The following PIK3C2G variants were observed in gnomAD, a reference collection of about 807,000 sequenced individuals.
PIK3C2G encodes phosphatidylinositol 3-kinase C2 domain-containing subunit gamma.
PIK3C2G carries 168 observed loss-of-function variants against 181.1 expected under a neutral mutation model. The ratio of observed to expected loss-of-function variants is 0.93; its 90% confidence interval spans 0.82 to 1.05. The LOEUF (loss-of-function observed/expected upper bound fraction) is 1.05. Ranked by LOEUF, PIK3C2G falls within the 50% of genes least tolerant of loss-of-function variation. The probability of loss-of-function intolerance (pLI) is 0.00; values close to 1 mark genes in which losing one functional copy is unlikely to be tolerated. For synonymous variants in PIK3C2G, 573 were observed against 592.2 expected (o/e 0.97, Z 0.47); for missense variants, 1,869 against 1,732.8 (o/e 1.08, Z -1.40).
chr12:18,436,700 T>C (rs1946468102), intron 18 of PIK3C2G, among the ~76,000 whole-genome samples: 2 of 152,020 alleles, frequency 1.3e-5, no homozygotes, highest in South Asian at 4.1e-4. Context: ...GAACAAGTCA[T>C]ATTACAAAAG....
chr12:18,599,990 T>G (rs893015757), intron 30 of PIK3C2G, among the ~76,000 whole-genome samples: 6 of 151,864 alleles, frequency 4.0e-5, no homozygotes, highest in African/African-American at 1.4e-4. Flanking sequence ...AACACACTAG[T>G]AGTAGGATAC....
chr12:18,705,615 C>T, the PIK3C2G span, among the ~76,000 whole-genome samples: 2 of 152,220 alleles, frequency 1.3e-5, no homozygotes, highest in South Asian at 2.1e-4. Flanking sequence ...ACTGTAATCC[C>T]AGCACTTTGG....
At chr12:18,500,672 C>T (rs919313914) in intron 22 of PIK3C2G, among the ~76,000 whole-genome samples, 1 of 152,122 alleles carries the variant, frequency 6.6e-6, no homozygotes, top group African/African-American at 2.4e-5. Context: ...CAATCAGCGC[C>T]GTGTCAAAAC....
At chr12:18,650,734 A>ATATATC (rs1950468793), downstream of PIK3C2G, among the ~76,000 whole-genome samples, 1 of 28,120 alleles carries the variant, frequency 3.6e-5, no homozygotes, top group Non-Finnish European at 5.8e-5. Context: ...ATATATATAT[A>ATATATC]TATATATATA....
chr12:18,570,232 T>C (rs1321446966), intron 29 of PIK3C2G, among the ~76,000 whole-genome samples: 1 of 151,650 alleles, frequency 6.6e-6, no homozygotes, highest in African/African-American at 2.4e-5. Context: ...TTTTTTGAGA[T>C]GGAGTTTTGC....
intron 18 of PIK3C2G, among the ~76,000 whole-genome samples, chr12:18,455,052 C>T (rs1947550716): frequency 6.6e-6 from 1 of 152,180 alleles, no homozygotes; most frequent in Non-Finnish European, 1.5e-5. Context: ...TCCAAGCTCA[C>T]TCAAGTGATT....
At chr12:18,327,862 G>C (rs1174554163) in intron 8 of PIK3C2G, among the ~76,000 whole-genome samples, 1 of 151,938 alleles carries the variant, frequency 6.6e-6, no homozygotes, top group East Asian at 1.9e-4. Flanking sequence ...TGAAGTTGTC[G>C]ATGATCTAGT....
At chr12:18,588,848 C>T (rs1946924206) in intron 29 of PIK3C2G, among the ~76,000 whole-genome samples, 1 of 152,016 alleles carries the variant, frequency 6.6e-6, no homozygotes, top group South Asian at 2.1e-4. Flanking sequence ...AACCTAAATG[C>T]CCTCAATGGC....
chr12:18,361,143 C>A (rs1244300418), intron 11 of PIK3C2G, among the ~76,000 whole-genome samples: 1 of 151,964 alleles, frequency 6.6e-6, no homozygotes, highest in African/African-American at 2.4e-5. Context: ...TTTCAAATAA[C>A]CTGTCTTCAA....
At chr12:18,372,195 ATG>A (rs371668925) in intron 13 of PIK3C2G, among the ~76,000 whole-genome samples, 41 of 148,070 alleles carry the variant, frequency 2.8e-4, no homozygotes, top group Admixed American at 2.7e-4. Context: ...AGCTGTGTGT[ATG>A]TGTGTGTGTG....
intron 29 of PIK3C2G, among the ~76,000 whole-genome samples, chr12:18,585,047 T>C (rs566670992): frequency 3.9e-5 from 6 of 152,012 alleles, no homozygotes; most frequent in South Asian, 2.1e-4. Flanking sequence ...AAAGGAGCAC[T>C]AAATATAGAA....
intron 31 of PIK3C2G, among the ~76,000 whole-genome samples, chr12:18,617,337 C>T (rs980516148): frequency 4.6e-5 from 7 of 152,070 alleles, no homozygotes; most frequent in African/African-American, 1.7e-4. Context: ...ACTATAGACT[C>T]TCTGACTTTT....
chr12:18,308,354 A>T lies in PIK3C2G; in HGVS notation c.1035-5608A>T, dbSNP rs140781711. 5.1e-3 allele frequency among the ~76,000 whole-genome samples: 774 copies of T among 151,964 alleles called. 3 individuals carry two copies. The highest frequency in any genetic ancestry group is 7.8e-3 in the Non-Finnish European group (526 of 67,790). ...GCATTCAAGGACAATGTAAAAATAG[A>T]CATTCTCAGAAATAAAAACATTTTA... On this transcript the variant is annotated intron_variant, in intron 5 of 32. Coordinates refer to ENST00000538779, the MANE Select transcript of PIK3C2G (RefSeq NM_001288772.2).
At chr12:18,275,793 T>C (rs1446949538) in intron 1 of PIK3C2G, among the ~76,000 whole-genome samples, 1 of 152,190 alleles carries the variant, frequency 6.6e-6, no homozygotes, top group East Asian at 1.9e-4. Context: ...CTTCCTCTTC[T>C]CAAATCTGTC....
At chr12:18,699,488 C>T in the PIK3C2G span, among the ~76,000 whole-genome samples, 1 of 152,242 alleles carries the variant, frequency 6.6e-6, no homozygotes, top group Admixed American at 6.5e-5. Flanking sequence ...CTCTGCCTCC[C>T]TCTGCAGCCC....
chr12:18,258,165 T>C (rs2136980762), upstream of PIK3C2G, among the ~76,000 whole-genome samples: 1 of 152,290 alleles, frequency 6.6e-6, no homozygotes, highest in African/African-American at 2.4e-5. Context: ...AGATGATTGT[T>C]CAATCTACTC....
intron 11 of PIK3C2G, among the ~76,000 whole-genome samples, chr12:18,355,941 C>A (rs965879039): frequency 1.3e-5 from 2 of 152,128 alleles, no homozygotes; most frequent in African/African-American, 4.8e-5. Context: ...GGAAAGATAT[C>A]AAAGGAAAAG....
chr12:18,292,229 T>TA (rs1162389524), intron 4 of PIK3C2G, among the ~76,000 whole-genome samples: 8,341 of 68,376 alleles, frequency 0.12, 863 homozygotes, highest in Non-Finnish European at 0.16. Context: ...AAAAAAAAAA[T>TA]ATATATATAT....
chr12:18,264,308 T>C (rs1006217587), intron 1 of PIK3C2G, among the ~76,000 whole-genome samples: 1 of 152,180 alleles, frequency 6.6e-6, no homozygotes, highest in Non-Finnish European at 1.5e-5. Context: ...TTATTGTTTA[T>C]ATAGTCAACG....
Sources: gnomAD v4.1 joint callset for allele counts (sites outside exome capture counted in the v4.1 genomes callset) on GRCh38, gnomAD v4.1.1 for gene constraint, MANE v1.5 for transcripts, NCBI Gene and HGNC (gene_info 2026-07-23, HGNC 2026-07-21) for gene names.